The following PREX1 variants were observed in gnomAD, a reference collection of about 807,000 sequenced individuals.
PREX1 encodes the protein phosphatidylinositol 3,4,5-trisphosphate-dependent Rac exchanger 1 protein.
A neutral mutation model predicts 198.3 loss-of-function variants in PREX1; 41 were observed. The observed-to-expected ratio is 0.21, with a 90% CI of 0.16 to 0.27. PREX1 has a LOEUF of 0.27. Among genes scored for constraint, PREX1 ranks in the 10% least tolerant of loss-of-function variants. PREX1 has a pLI of 1.00. For synonymous variants in PREX1, 843 were observed against 887.2 expected, an observed-to-expected ratio of 0.95 and a Z score of 0.89; for missense variants, 1,620 against 2,200.7, an observed-to-expected ratio of 0.74 and a Z score of 5.28.
intron 5 of PREX1, among the ~76,000 whole-genome samples, chr20:48,718,577 C>T (rs139958883): frequency 1.7e-3 from 263 of 152,132 alleles, no homozygotes; most frequent in South Asian, 8.7e-3. Context: ...GTGGACGAAA[C>T]GCTCCTGTTA....
At chr20:48,816,846 G>A (rs533684308) in intron 1 of PREX1, among the ~76,000 whole-genome samples, 1 of 152,270 alleles carries the variant, frequency 6.6e-6, no homozygotes, top group African/African-American at 2.4e-5. Flanking sequence ...ACCTTCAGTA[G>A]AAAACCCAGT....
intron 1 of PREX1, among the ~76,000 whole-genome samples, chr20:48,775,238 A>G (rs2090255831): frequency 6.6e-6 from 1 of 152,118 alleles, no homozygotes; most frequent in African/African-American, 2.4e-5. Flanking sequence ...CTGATATTCT[A>G]CAGGGGTGGA....
At chr20:48,797,823 A>G (rs1284559213) in intron 1 of PREX1, among the ~76,000 whole-genome samples, 1 of 152,186 alleles carries the variant, frequency 6.6e-6, no homozygotes, top group Non-Finnish European at 1.5e-5. Context: ...CTGATGCCTG[A>G]GAACACTGAG....
the PREX1 span, among the ~76,000 whole-genome samples, chr20:48,868,030 G>C: frequency 6.6e-6 from 1 of 152,080 alleles, no homozygotes; most frequent in Non-Finnish European, 1.5e-5. Context: ...GAAGTGTACA[G>C]TTTAGTAGTG....
At chr20:48,817,156 C>A (rs1312021832) in intron 1 of PREX1, among the ~76,000 whole-genome samples, 1 of 152,148 alleles carries the variant, frequency 6.6e-6, no homozygotes, top group Non-Finnish European at 1.5e-5. Flanking sequence ...GAGGTGCTGT[C>A]ATGTATTTTT....
Position 48,636,699 on chromosome 20 carries a change from A to C in PREX1, c.3947-16T>G. ...AGCTCCGTGTCTGGGGGCAGAGGGC[A>C]GGAGGCCTTGCTGGAGGGGCGCTCC... On this transcript the variant is annotated splice_polypyrimidine_tract_variant and intron_variant, in intron 31 of 39. Coordinates refer to ENST00000371941, the MANE Select transcript of PREX1 (RefSeq NM_020820.4). 1 of 1,582,594 alleles carries C rather than the reference A, an allele frequency of 6.3e-7. No individual in the cohort carries two copies. Among genetic ancestry groups the C allele is most frequent in the Non-Finnish European group, 8.6e-7 (1 of 1,163,728 alleles).
At chr20:48,802,121 A>G (rs1245748041) in intron 1 of PREX1, among the ~76,000 whole-genome samples, 1 of 151,948 alleles carries the variant, frequency 6.6e-6, no homozygotes, top group Admixed American at 6.6e-5. Context: ...AAACTAAGAC[A>G]CCCTGCACAC....
chr20:48,636,135 C>T (rs1169952332), intron 32 of PREX1, among the ~76,000 whole-genome samples: 2 of 152,232 alleles, frequency 1.3e-5, no homozygotes, highest in Admixed American at 6.5e-5. Context: ...CAACCAAAAA[C>T]ATCTCCAGAC....
chr20:48,676,178 T>C lies in PREX1; in HGVS notation c.1665+15A>G, dbSNP rs2089707630. The stretch of plus-strand genomic sequence containing the variant: ...AAGCAGAACACTGGTCACACACCCC[T>C]GAGGAGGCCCTCACCTGAGCCAGCA... On this transcript the variant is annotated intron_variant, in intron 14 of 39. Coordinates refer to ENST00000371941, the MANE Select transcript of PREX1 (RefSeq NM_020820.4). 3 of 1,611,284 alleles carry C rather than the reference T, an allele frequency of 1.9e-6. No individual in the cohort carries two copies. The highest frequency in any genetic ancestry group is 2.7e-5 in the African/African-American group (2 of 74,836).
intron 1 of PREX1, among the ~76,000 whole-genome samples, chr20:48,818,278 C>G (rs966601481): frequency 9.9e-5 from 15 of 152,142 alleles, no homozygotes; most frequent in African/African-American, 3.6e-4. Context: ...TGAATATACT[C>G]AAAACCACCG....
chr20:48,872,494 A>G, the PREX1 span, among the ~76,000 whole-genome samples: 1 of 152,176 alleles, frequency 6.6e-6, no homozygotes, highest in African/African-American at 2.4e-5. Context: ...CTGTAATCTC[A>G]GCACTTGGGG....
At chr20:48,847,110 G>A in the PREX1 span, among the ~76,000 whole-genome samples, 3 of 151,990 alleles carry the variant, frequency 2.0e-5, no homozygotes, top group African/African-American at 7.3e-5. Context: ...CTGCTTTGGG[G>A]CTTTCTTAAA....
intron 4 of PREX1, 23 bp downstream of exon 4, chr20:48,734,523 C>T: frequency 6.2e-7 from 1 of 1,602,892 alleles, no homozygotes; most frequent in South Asian, 1.1e-5. Flanking sequence ...CAAGGGAGCA[C>T]CAGGGCTGAC....
At chr20:48,774,020 C>T (rs1220164569) in intron 1 of PREX1, among the ~76,000 whole-genome samples, 3 of 152,130 alleles carry the variant, frequency 2.0e-5, no homozygotes, top group Non-Finnish European at 2.9e-5. Context: ...ATGTGAGGGA[C>T]GAGAGAGAGG....
At chr20:48,664,953 C>A (rs1452480092) in intron 15 of PREX1, among the ~76,000 whole-genome samples, 13 of 149,288 alleles carry the variant, frequency 8.7e-5, no homozygotes, top group African/African-American at 3.2e-4. Context: ...GAATTCTAAT[C>A]CTGACTCCAG....
intron 6 of PREX1, 91 bp from the exon 7 acceptor site, chr20:48,700,977 C>A: frequency 6.4e-7 from 1 of 1,556,408 alleles, no homozygotes; most frequent in Admixed American, 1.7e-5. Context: ...CCTCCTGCCA[C>A]ATGCCAAAAA....
At chr20:48,862,334 C>T in the PREX1 span, among the ~76,000 whole-genome samples, 5 of 152,214 alleles carry the variant, frequency 3.3e-5, no homozygotes, top group Non-Finnish European at 7.3e-5. Flanking sequence ...AACTCCTCCT[C>T]ACCATAATTT....
At position 48,625,899 on chromosome 20, in the gene PREX1, C is replaced by T; in HGVS notation, c.4966G>A (p.Asp1656Asn). 1 of 1,562,838 alleles carries T rather than the reference C, an allele frequency of 6.4e-7. No homozygotes were observed. Among genetic ancestry groups the T allele is most frequent in the Non-Finnish European group, 8.6e-7 (1 of 1,157,622 alleles). ...RLYRLCQPPV[D>N]GDL is the part of the protein sequence containing the mutation. ...CATTTGGGTGTTCAGAGGTCCCCAT[C>T]CACCGGCGGCTGGCAGAGGCGGTAG... The change falls in exon 40 of 40, where the codon GAT becomes AAT. Residue 1656 changes from aspartate (D) to asparagine (N), a missense_variant. By Grantham distance (23) the Asp-to-Asn change is conservative (BLOSUM62 1). Around this residue, in one of 7 missense-constraint regions of PREX1, gnomAD observed 476 missense variants for 603.4 expected, o/e 0.79. Coordinates refer to ENST00000371941, the MANE Select transcript of PREX1 (RefSeq NM_020820.4).
intron 1 of PREX1, among the ~76,000 whole-genome samples, chr20:48,818,469 C>A (rs2090468233): frequency 6.6e-6 from 1 of 152,204 alleles, no homozygotes; most frequent in South Asian, 2.1e-4. Context: ...GTAACTGTAA[C>A]TGATTAGGGT....
Sources: gnomAD v4.1 joint callset for allele counts (sites outside exome capture counted in the v4.1 genomes callset) on GRCh38, gnomAD v4.1.1 for gene constraint, gnomAD v4.1.1 regional missense constraint, MANE v1.5 for transcripts, NCBI Gene and HGNC (gene_info 2026-07-23, HGNC 2026-07-21) for gene names.